CACHD1: variants seen among roughly 807,000 people sequenced by gnomAD.
CACHD1 encodes the protein cache domain containing 1.
CACHD1 carries 71 observed loss-of-function variants against 138.7 expected under a neutral mutation model. The ratio of observed to expected loss-of-function variants is 0.51; its 90% CI spans 0.42 to 0.62. The LOEUF is 0.62. Ranked by LOEUF, CACHD1 falls within the 20% of genes least tolerant of loss-of-function variation. The pLI, the probability that CACHD1 is intolerant of heterozygous loss-of-function variation, is 0.00. For missense variants in CACHD1, 1,389 were observed against 1,625.3 expected (o/e 0.85, Z 2.50); for synonymous variants, 578 against 591.5 (o/e 0.98, Z 0.33).
At chr1:64,680,413 A>G (rs1310991143) in intron 24 of CACHD1, among the ~76,000 whole-genome samples, 2 of 152,140 alleles carry the variant, frequency 1.3e-5, no homozygotes, top group Non-Finnish European at 2.9e-5. Flanking sequence ...GCTTGAACCC[A>G]GGAGATGGAA....
intron 3 of CACHD1, among the ~76,000 whole-genome samples, chr1:64,595,144 T>C (rs1325594202): frequency 6.6e-6 from 1 of 152,176 alleles, no homozygotes; most frequent in East Asian, 1.9e-4. Flanking sequence ...CTGCTAACTC[T>C]TAGTTGTTAG....
intron 1 of CACHD1, among the ~76,000 whole-genome samples, chr1:64,517,502 T>C (rs1646467273): frequency 1.3e-5 from 2 of 152,120 alleles, no homozygotes; most frequent in Admixed American, 6.6e-5. Context: ...ACTGGAGGCC[T>C]CATTGAGAAA....
Position 64,691,445 on chromosome 1 carries a change from A to T in CACHD1, c.3709A>T (p.Thr1237Ser). 1.2e-6 allele frequency: 2 copies of T among 1,614,008 alleles called. No individual in the cohort carries two copies. Among genetic ancestry groups the T allele is most frequent in the Non-Finnish European group, 1.7e-6 (2 of 1,179,992 alleles). Residue 1237 changes from threonine (T) to serine (S), a missense_variant, in exon 27 of 27, where the codon ACT becomes TCT. Around this residue, in one of 5 missense-constraint regions of CACHD1, gnomAD observed 78 missense variants for 76.9 expected, o/e 1.01. Coordinates refer to ENST00000651257, the MANE Select transcript of CACHD1 (RefSeq NM_020925.4). ...CTTAGACCTGGATACCCCCCCTCAG[A>T]CTGCTGCCCTACTAAGTCACAAGTT... ...EDLDLDTPPQTAALLSHKFHH... is the reference protein window; with the variant it reads ...EDLDLDTPPQSAALLSHKFHH...
intron 14 of CACHD1, chr1:64,664,279 G>A (rs779971092): frequency 2.6e-5 from 15 of 574,794 alleles, no homozygotes; most frequent in Non-Finnish European, 4.3e-5. Flanking sequence ...AGAAAGCCTA[G>A]GTAGGGTGAA....
chr1:64,509,833 C>T (rs1215549963), intron 1 of CACHD1, among the ~76,000 whole-genome samples: 1 of 152,164 alleles, frequency 6.6e-6, no homozygotes, highest in African/African-American at 2.4e-5. Context: ...CAATGATTCT[C>T]AAACGAATAC....
chr1:64,676,777 C>G, intron 21 of CACHD1, 118 bp from the exon 22 acceptor site: 1 of 716,676 alleles, frequency 1.4e-6, no homozygotes, highest in Non-Finnish European at 2.5e-6. Flanking sequence ...AGGTTACACA[C>G]TAAGTGGCAA....
intron 1 of CACHD1, among the ~76,000 whole-genome samples, chr1:64,498,932 A>G (rs1050899049): frequency 6.6e-6 from 1 of 152,244 alleles, no homozygotes; most frequent in Non-Finnish European, 1.5e-5. Context: ...CATCTAAAAC[A>G]GTATTAATTA....
At chr1:64,683,200 A>G (rs914968259) in intron 26 of CACHD1, among the ~76,000 whole-genome samples, 16 of 152,198 alleles carry the variant, frequency 1.1e-4, no homozygotes, top group African/African-American at 3.6e-4. Context: ...GAGACTGTTA[A>G]TTTGGGCTTT....
chr1:64,477,629 A>ATTTATTTATTTATTTTATTTTTTATT (rs1553125591), intron 1 of CACHD1, among the ~76,000 whole-genome samples: 2 of 114,846 alleles, frequency 1.7e-5, no homozygotes, highest in African/African-American at 8.6e-5. Context: ...TTATTATTTT[A>ATTTATTTATTTATTTTATTTTTTATT]TTTTATTTTT....
At chr1:64,609,380 A>G (rs1311062334) in intron 4 of CACHD1, among the ~76,000 whole-genome samples, 1 of 152,198 alleles carries the variant, frequency 6.6e-6, no homozygotes, top group African/African-American at 2.4e-5. Flanking sequence ...AATTAGTTGT[A>G]TAACATTTAA....
chr1:64,579,931 A>C (rs1288591569), intron 2 of CACHD1: 2 of 146,226 alleles, frequency 1.4e-5, no homozygotes, highest in East Asian at 2.0e-4. Flanking sequence ...AAAAAAAAAA[A>C]CAGCATCAAA....
rs375501473 is a variant in CACHD1 at position 64,629,492 on chromosome 1, T to C, written c.644+11T>C. 2.0e-5 allele frequency: 32 copies of C among 1,611,124 alleles called. 1 individual carries two copies. Among genetic ancestry groups the C allele is most frequent in the Admixed American group, 1.5e-4 (9 of 59,300 alleles). On this transcript the variant is annotated intron_variant, in intron 5 of 26. Coordinates refer to ENST00000651257, the MANE Select transcript of CACHD1 (RefSeq NM_020925.4). Reference sequence around the variant, plus strand: ...CGAACACCGCAGTAGGTATGTTGACTTGCATGCTAAAGTTTTTAATTATTG... The same window carrying C: ...CGAACACCGCAGTAGGTATGTTGACCTGCATGCTAAAGTTTTTAATTATTG...
At chr1:64,659,384 T>C (rs1305120127) in intron 13 of CACHD1, among the ~76,000 whole-genome samples, 2 of 152,062 alleles carry the variant, frequency 1.3e-5, no homozygotes, top group Non-Finnish European at 2.9e-5. Context: ...TATGGGGATA[T>C]TGAGGTGGGG....
chr1:64,516,225 C>G (rs1022160868), intron 1 of CACHD1, among the ~76,000 whole-genome samples: 2 of 152,096 alleles, frequency 1.3e-5, no homozygotes, highest in South Asian at 4.1e-4. Flanking sequence ...CTTTTTTCTC[C>G]TGGTGATTCT....
chr1:64,573,683 GTCTCT>G (rs2100517150), intron 2 of CACHD1, among the ~76,000 whole-genome samples: 1 of 152,258 alleles, frequency 6.6e-6, no homozygotes, highest in Non-Finnish European at 1.5e-5. Context: ...ACATCTTTAA[GTCTCT>G]TCTATGTGCC....
At chr1:64,506,716 C>T (rs1227402177) in intron 1 of CACHD1, among the ~76,000 whole-genome samples, 3 of 152,150 alleles carry the variant, frequency 2.0e-5, no homozygotes, top group South Asian at 2.1e-4. Flanking sequence ...TCTTGTGTCA[C>T]GGTTTTGTTC....
At chr1:64,624,164 T>A (rs1261810012) in intron 4 of CACHD1, among the ~76,000 whole-genome samples, 2 of 152,216 alleles carry the variant, frequency 1.3e-5, no homozygotes, top group Non-Finnish European at 2.9e-5. Flanking sequence ...CTTCTGCTAG[T>A]ACCAAATAAT....
At chr1:64,573,184 T>C (rs1344841391) in intron 2 of CACHD1, among the ~76,000 whole-genome samples, 1 of 152,080 alleles carries the variant, frequency 6.6e-6, no homozygotes, top group African/African-American at 2.4e-5. Context: ...GGGAAGTAAT[T>C]AGGGTTAGAT....
chr1:64,509,113 T>A (rs1404424850), intron 1 of CACHD1, among the ~76,000 whole-genome samples: 1 of 152,220 alleles, frequency 6.6e-6, no homozygotes, highest in African/African-American at 2.4e-5. Flanking sequence ...TCTCTTTTTT[T>A]CTCTGTTAGC....
Sources: allele counts gnomAD v4.1 joint callset (sites outside exome capture counted in the v4.1 genomes callset), GRCh38; gene constraint gnomAD v4.1.1; regional missense constraint gnomAD v4.1.1; transcripts MANE v1.5; gene names NCBI Gene and HGNC (gene_info 2026-07-23, HGNC 2026-07-21).